DNAJC2: variants seen among roughly 807,000 people sequenced by gnomAD.
The protein encoded by DNAJC2 is dnaJ homolog subfamily C member 2.
In DNAJC2, 32 loss-of-function variants were observed where a neutral mutation model predicts 94.0. The ratio of observed to expected loss-of-function variants is 0.34; its 90% CI spans 0.26 to 0.46. The LOEUF is 0.46. Ranked by LOEUF, DNAJC2 falls within the 20% of genes least tolerant of loss-of-function variation. The pLI is 1.00. For synonymous variants in DNAJC2, 210 were observed against 229.7 expected (o/e 0.91, Z 0.77); for missense variants, 550 against 719.5 (o/e 0.76, Z 2.69).
chr7:103,339,604 G>GTT (rs35504252), intron 2 of DNAJC2, among the ~76,000 whole-genome samples: 8 of 143,900 alleles, frequency 5.6e-5, no homozygotes, highest in African/African-American at 7.6e-5. Flanking sequence ...AAATCCAATG[G>GTT]TTTTTTTTTT....
chr7:103,340,226 T>C (rs1448327353), intron 2 of DNAJC2, among the ~76,000 whole-genome samples: 1 of 152,198 alleles, frequency 6.6e-6, no homozygotes, highest in African/African-American at 2.4e-5. Context: ...AAAGTGTCTT[T>C]TTCTTTGTTT....
intron 12 of DNAJC2, among the ~76,000 whole-genome samples, chr7:103,318,285 C>G (rs1012745741): frequency 6.6e-6 from 1 of 152,152 alleles, no homozygotes; most frequent in African/African-American, 2.4e-5. Context: ...CTAACCTCAG[C>G]CTCCTGAGAA....
At chr7:103,313,592 G>A (rs1817880111) in intron 15 of DNAJC2, 1 of 983,016 alleles carries the variant, frequency 1.0e-6, no homozygotes, top group Admixed American at 6.1e-5. Flanking sequence ...GCAAAATTAA[G>A]CCAAGTGCCC....
intron 4 of DNAJC2, 41 bp downstream of exon 4, chr7:103,327,615 A>T: frequency 7.8e-7 from 1 of 1,289,048 alleles, no homozygotes; most frequent in South Asian, 1.2e-5. Flanking sequence ...AATAAATAAC[A>T]ATTACTATTA....
chr7:103,326,583 AATT>A lies in DNAJC2; in HGVS notation c.529_531del (p.Asn177del), dbSNP rs1818719639. 1 of 1,613,884 alleles carries A rather than the reference AATT, an allele frequency of 6.2e-7. No homozygotes were observed. The highest frequency in any genetic ancestry group is 1.3e-5 in the African/African-American group (1 of 74,906). On this transcript the variant is annotated inframe_deletion, in exon 5 of 17. Coordinates refer to ENST00000379263, the MANE Select transcript of DNAJC2 (RefSeq NM_014377.3). ...AACACTGGGGTAAACACTTCGAAGA[AATT>A]ATCCTTTGCTTCACTTTTAGAAGGA...
At position 103,312,678 on chromosome 7, in the gene DNAJC2, C is replaced by T. The variant is rs73412165; in HGVS notation, c.1792-35G>A. ...GAGAAAGGTGTGATTTAAGAAGTTGCGATTTAAAAACAGACATTTTAATCT... is the reference window on the plus strand; with the variant it reads ...GAGAAAGGTGTGATTTAAGAAGTTGTGATTTAAAAACAGACATTTTAATCT... On this transcript the variant is annotated intron_variant, in intron 16 of 16. Coordinates refer to ENST00000379263, the MANE Select transcript of DNAJC2 (RefSeq NM_014377.3). 405 of 1,603,004 alleles carry T rather than the reference C, an allele frequency of 2.5e-4. No homozygotes were observed. The African/African-American group carries it at 4.7e-3, about 19-fold the overall frequency.
Position 103,316,020 on chromosome 7 carries a change from A to C in DNAJC2, c.1496T>G (p.Val499Gly). Reference sequence around the variant, plus strand: ...TTGGAGACTCTTTGCTTTGCCAATAACATCTTTGGCAGTTCTTTTGACTCC... The same window carrying C: ...TTGGAGACTCTTTGCTTTGCCAATACCATCTTTGGCAGTTCTTTTGACTCC... Reference protein sequence around the residue: ...SSGVKRTAKDVIGKAKSLQKL... With the variant: ...SSGVKRTAKDGIGKAKSLQKL... Residue 499 changes from valine (V) to glycine (G), a missense_variant, in exon 14 of 17, where the codon GTT (valine) becomes GGT (glycine). By Grantham distance (109) the Val-to-Gly change is moderately radical. Coordinates refer to ENST00000379263, the MANE Select transcript of DNAJC2 (RefSeq NM_014377.3). 1 of 1,601,680 alleles carries C rather than the reference A, an allele frequency of 6.2e-7. No individual in the cohort carries two copies. The highest frequency in any genetic ancestry group is 8.5e-7 in the Non-Finnish European group (1 of 1,174,420).
rs1314269847 is a variant in DNAJC2, at chr7:103,326,539, T to C, written c.572+4A>G. On this transcript the variant is annotated splice_donor_region_variant and intron_variant, in intron 5 of 16. Coordinates refer to ENST00000379263, the MANE Select transcript of DNAJC2 (RefSeq NM_014377.3). ...CTATGATCAAAAGGGATGCCTTAAC[T>C]TACCTGGAATTCCTTTCAAACACTG... The C allele has an allele frequency of 6.2e-7, 1 of 1,613,902 alleles. No individual in the cohort carries two copies. The highest frequency in any genetic ancestry group is 1.7e-5 in the Admixed American group (1 of 60,000).
intron 1 of DNAJC2, among the ~76,000 whole-genome samples, chr7:103,342,887 C>A (rs1395397871): frequency 6.6e-6 from 1 of 152,120 alleles, no homozygotes; most frequent in Non-Finnish European, 1.5e-5. Flanking sequence ...GGATTACAGG[C>A]GTGAGCCACC....
At position 103,316,031 on chromosome 7, in the gene DNAJC2, A is replaced by C; in HGVS notation, c.1485T>G (p.Thr495=). ...NIHSSSGVKR[T]AKDVIGKAKS... The stretch of plus-strand genomic sequence containing the variant: ...TTGCTTTGCCAATAACATCTTTGGC[A>C]GTTCTTTTGACTCCAGAGGAAGAAT... Residue 495 remains threonine (T), a synonymous_variant, in exon 14 of 17, where the codon ACT becomes ACG. Transcript: ENST00000379263. The C allele has an allele frequency of 6.2e-7, 1 of 1,603,646 alleles. No homozygotes were observed. Among genetic ancestry groups the C allele is most frequent in the Non-Finnish European group, 8.5e-7 (1 of 1,175,338 alleles).
In DNAJC2 at chr7:103,313,114, A is replaced by T; in HGVS notation, c.1637-13T>A. The T allele has an allele frequency of 6.3e-7, 1 of 1,592,592 alleles. No homozygotes were observed. The highest frequency in any genetic ancestry group is 8.5e-7 in the Non-Finnish European group (1 of 1,173,180). Reference sequence around the variant, plus strand: ...TCTGTATATGGACCTGATTAAGAAAAATTTTTATTTGAAAACTGTCTTTGA... The same window carrying T: ...TCTGTATATGGACCTGATTAAGAAATATTTTTATTTGAAAACTGTCTTTGA... On this transcript the variant is annotated splice_polypyrimidine_tract_variant and intron_variant, in intron 15 of 16. Transcript: ENST00000379263.
intron 15 of DNAJC2, chr7:103,313,418 G>A: frequency 1.0e-6 from 1 of 983,420 alleles, no homozygotes; most frequent in South Asian, 4.7e-5. Context: ...TAAATTTATA[G>A]TACTGTTGGA....
At chr7:103,332,934 T>G (rs1819031895) in intron 3 of DNAJC2, among the ~76,000 whole-genome samples, 1 of 152,224 alleles carries the variant, frequency 6.6e-6, no homozygotes, top group Non-Finnish European at 1.5e-5. Flanking sequence ...CTTTCTGTAT[T>G]TCACTACGTT....
chr7:103,321,495 G>A (rs1256829257), intron 10 of DNAJC2, among the ~76,000 whole-genome samples: 1 of 151,874 alleles, frequency 6.6e-6, no homozygotes. Context: ...TCCAGACCAG[G>A]TGACAGTGCG....
intron 3 of DNAJC2, among the ~76,000 whole-genome samples, chr7:103,335,007 T>C (rs1018297805): frequency 1.3e-5 from 2 of 152,002 alleles, no homozygotes; most frequent in African/African-American, 4.8e-5. Flanking sequence ...CTAATTTTTA[T>C]ATTTTTAGTA....
chr7:103,317,222 C>T lies in DNAJC2; in HGVS notation c.1243-208G>A, dbSNP rs1161986621. 1.4e-5 allele frequency: 7 copies of T among 515,830 alleles called. No individual in the cohort carries two copies. In the Admixed American group the frequency reaches 2.2e-4, roughly 16 times the overall value. The allele number at this position is 515,830 out of a possible 1,614,324, so 32.0% of individuals were successfully genotyped here. On this transcript the variant is annotated intron_variant, in intron 12 of 16. Transcript: ENST00000379263. ...TCTGCCTGAGGGACCAAGAACTGCC[C>T]ACAGCCTGCCTGATTTTCCCAGTAC... is the stretch of plus-strand genomic sequence containing the variant.
intron 15 of DNAJC2, chr7:103,314,817 T>C (rs1031842300): frequency 5.5e-6 from 1 of 182,554 alleles, no homozygotes; most frequent in Non-Finnish European, 1.0e-5. Flanking sequence ...CTGGGACTCT[T>C]AGAAGAAAGA....
At chr7:103,317,976 C>T (rs564957264) in intron 12 of DNAJC2, among the ~76,000 whole-genome samples, 1 of 151,998 alleles carries the variant, frequency 6.6e-6, no homozygotes, top group East Asian at 1.9e-4. Context: ...AAATAAGATT[C>T]TTGTAACTAG....
chr7:103,312,925 T>TATA (rs754645435), intron 16 of DNAJC2, 22 bp downstream of exon 16: 1 of 1,597,214 alleles, frequency 6.3e-7, no homozygotes. Context: ...TACAACAATC[T>TATA]ATAAACGCTT....
Sources: allele counts gnomAD v4.1 joint callset (sites outside exome capture counted in the v4.1 genomes callset), GRCh38; gene constraint gnomAD v4.1.1; transcripts MANE v1.5; gene names NCBI Gene and HGNC (gene_info 2026-07-23, HGNC 2026-07-21).